The following EYS variants were observed in gnomAD, a reference collection of about 807,000 sequenced individuals.
EYS encodes the protein EGF-like photoreceptor maintenance factor.
EYS carries 250 observed loss-of-function variants against 282.1 expected under a neutral mutation model. The ratio of observed to expected loss-of-function variants is 0.89; its 90% confidence interval spans 0.80 to 0.98. The LOEUF is 0.98. Among genes scored for constraint, EYS ranks in the 50% least tolerant of loss-of-function variants. The probability of loss-of-function intolerance (pLI) is 0.00; values close to 1 mark genes in which losing one functional copy is unlikely to be tolerated. For missense variants in EYS, 4,016 were observed against 3,709.0 expected, an observed-to-expected ratio of 1.08 and a Z score of -2.15; for synonymous variants, 1,355 against 1,282.9, an observed-to-expected ratio of 1.06 and a Z score of -1.20.
At chr6:64,095,850 C>T (rs531809544) in intron 31 of EYS, among the ~76,000 whole-genome samples, 7 of 152,132 alleles carry the variant, frequency 4.6e-5, no homozygotes, top group East Asian at 3.8e-4. Context: ...TTCCTAGCCT[C>T]GATGGTCTTT....
chr6:65,409,350 T>G (rs904289170), intron 5 of EYS, among the ~76,000 whole-genome samples: 10 of 152,202 alleles, frequency 6.6e-5, no homozygotes, highest in Middle Eastern at 3.2e-3. Flanking sequence ...GATCAGCAGG[T>G]GTTTCACTTC....
intron 26 of EYS, among the ~76,000 whole-genome samples, chr6:64,541,414 C>A (rs1266331556): frequency 6.6e-6 from 1 of 152,194 alleles, no homozygotes; most frequent in Non-Finnish European, 1.5e-5. Flanking sequence ...TCTAACTTTA[C>A]CTTTTTCTCC....
At chr6:64,345,436 A>G (rs1771345099) in intron 29 of EYS, among the ~76,000 whole-genome samples, 2 of 152,152 alleles carry the variant, frequency 1.3e-5, no homozygotes, top group African/African-American at 4.8e-5. Flanking sequence ...ACCTCACAAA[A>G]ACAAGCAATG....
chr6:65,520,681 T>C (rs1429141562), intron 2 of EYS, among the ~76,000 whole-genome samples: 1 of 151,870 alleles, frequency 6.6e-6, no homozygotes, highest in Non-Finnish European at 1.5e-5. Context: ...TATACATATA[T>C]GTATATATCA....
At chr6:64,437,769 C>T (rs1774802593) in intron 27 of EYS, among the ~76,000 whole-genome samples, 1 of 150,402 alleles carries the variant, frequency 6.6e-6, no homozygotes, top group Admixed American at 6.6e-5. Context: ...GCTCTATCTC[C>T]CAGGCAGGAG....
intron 26 of EYS, among the ~76,000 whole-genome samples, chr6:64,522,353 T>C (rs1777771058): frequency 6.6e-6 from 1 of 151,650 alleles, no homozygotes; most frequent in South Asian, 2.1e-4. Flanking sequence ...CCATACCAAG[T>C]TCTTACCACC....
intron 35 of EYS, among the ~76,000 whole-genome samples, chr6:63,913,226 C>A (rs1483945144): frequency 6.6e-6 from 1 of 152,168 alleles, no homozygotes; most frequent in Non-Finnish European, 1.5e-5. Flanking sequence ...GGAGAGTTTT[C>A]ATATTTCCTT....
intron 12 of EYS, 37 bp from the exon 13 acceptor site, chr6:65,057,764 C>T (rs1049562703): frequency 4.6e-6 from 6 of 1,311,240 alleles, no homozygotes; most frequent in African/African-American, 4.4e-5. Flanking sequence ...TAAGTGTTAA[C>T]AAGACAGGCA....
intron 7 of EYS, among the ~76,000 whole-genome samples, chr6:65,399,553 C>T (rs568636660): frequency 6.6e-5 from 10 of 151,938 alleles, no homozygotes; most frequent in African/African-American, 2.4e-4. Flanking sequence ...TTTTCATAGT[C>T]AGCAATATTA....
chr6:64,261,792 T>C (rs896567647), intron 30 of EYS, among the ~76,000 whole-genome samples: 1 of 152,072 alleles, frequency 6.6e-6, no homozygotes, highest in Non-Finnish European at 1.5e-5. Context: ...ATTTTGTTTT[T>C]TTTTTTTCTT....
At chr6:64,576,680 A>T (rs914808603) in intron 26 of EYS, among the ~76,000 whole-genome samples, 5 of 152,080 alleles carry the variant, frequency 3.3e-5, no homozygotes, top group Non-Finnish European at 7.4e-5. Context: ...AAATAATTTT[A>T]TTTAAAAATA....
intron 7 of EYS, among the ~76,000 whole-genome samples, chr6:65,400,325 C>G (rs989876493): frequency 6.6e-6 from 1 of 151,896 alleles, no homozygotes; most frequent in African/African-American, 2.4e-5. Context: ...CCAAAGTATT[C>G]ACATAAACAA....
At chr6:64,596,921 T>A (rs1210497779) in intron 24 of EYS, among the ~76,000 whole-genome samples, 1 of 152,092 alleles carries the variant, frequency 6.6e-6, no homozygotes, top group Non-Finnish European at 1.5e-5. Context: ...AGTGAACAGA[T>A]AACCTGCAGA....
intron 2 of EYS, among the ~76,000 whole-genome samples, chr6:65,584,629 C>T (rs1315076505): frequency 6.6e-6 from 1 of 151,882 alleles, no homozygotes; most frequent in Non-Finnish European, 1.5e-5. Context: ...TTTGAAAATA[C>T]TACGCTAAGG....
At chr6:63,763,530 T>C (rs1340723493) in intron 40 of EYS, among the ~76,000 whole-genome samples, 1 of 151,884 alleles carries the variant, frequency 6.6e-6, no homozygotes, top group African/African-American at 2.4e-5. Context: ...GAAAATTGAC[T>C]CATGGGGGAG....
At chr6:64,374,680 T>C (rs1000363314) in intron 29 of EYS, among the ~76,000 whole-genome samples, 1 of 152,206 alleles carries the variant, frequency 6.6e-6, no homozygotes, top group Non-Finnish European at 1.5e-5. Flanking sequence ...GGCCCTTTTG[T>C]TTCCTCTACG....
intron 14 of EYS, among the ~76,000 whole-genome samples, chr6:64,948,215 T>C (rs1227282056): frequency 6.6e-6 from 1 of 151,298 alleles, no homozygotes; most frequent in Non-Finnish European, 1.5e-5. Flanking sequence ...AAGATGTAAA[T>C]GATGAAGAGA....
intron 12 of EYS, among the ~76,000 whole-genome samples, chr6:65,099,957 A>G (rs1396804425): frequency 2.7e-5 from 4 of 150,834 alleles, no homozygotes; most frequent in Non-Finnish European, 4.5e-5. Context: ...TGTAGTGACA[A>G]TGACATGTGA....
At chr6:64,602,983 C>T (rs1310472001) in intron 24 of EYS, among the ~76,000 whole-genome samples, 2 of 151,912 alleles carry the variant, frequency 1.3e-5, no homozygotes, top group Non-Finnish European at 2.9e-5. Flanking sequence ...AAAATGCAAG[C>T]TGGTAGAAGA....
Sources: gnomAD v4.1 joint callset for allele counts (sites outside exome capture counted in the v4.1 genomes callset) on GRCh38, gnomAD v4.1.1 for gene constraint, MANE v1.5 for transcripts, NCBI Gene and HGNC (gene_info 2026-07-23, HGNC 2026-07-21) for gene names.